Variants in MYOZ2 observed in about 807,000 individuals in gnomAD.
The protein encoded by MYOZ2 is myozenin-2.
A neutral mutation model predicts 25.4 loss-of-function variants in MYOZ2; 19 were observed. The ratio of observed to expected loss-of-function variants is 0.75; its 90% confidence interval spans 0.52 to 1.10. MYOZ2 has a LOEUF of 1.10. MYOZ2 is among the 50% of genes least tolerant of loss of function. The probability of loss-of-function intolerance (pLI) is 0.00; values close to 1 mark genes in which losing one functional copy is unlikely to be tolerated. For synonymous variants in MYOZ2, 92 were observed against 106.9 expected, an observed-to-expected ratio of 0.86 and a Z score of 0.86; for missense variants, 270 against 317.9, an observed-to-expected ratio of 0.85 and a Z score of 1.15.
chr4:119,147,077 C>G (rs541899176), intron 2 of MYOZ2, among the ~76,000 whole-genome samples: 25 of 152,228 alleles, frequency 1.6e-4, no homozygotes, highest in African/African-American at 5.5e-4. Context: ...GTTACTTTCA[C>G]TTGCTTATAA....
At chr4:119,158,933 A>T (rs1168266613) in intron 4 of MYOZ2, among the ~76,000 whole-genome samples, 1 of 152,210 alleles carries the variant, frequency 6.6e-6, no homozygotes. Context: ...ACCTAATTGT[A>T]CATTTTACAA....
At chr4:119,178,853 T>C (rs537638534) in intron 5 of MYOZ2, among the ~76,000 whole-genome samples, 1 of 152,296 alleles carries the variant, frequency 6.6e-6, no homozygotes, top group African/African-American at 2.4e-5. Context: ...GTGATCCACC[T>C]GCCTCGGCCT....
At chr4:119,164,534 T>A in intron 5 of MYOZ2, 140 bp downstream of exon 5, 1 of 769,030 alleles carries the variant, frequency 1.3e-6, no homozygotes. Flanking sequence ...GGATATCTTC[T>A]AAGCCTAGGC....
chr4:119,169,769 A>G (rs1455544579), intron 5 of MYOZ2, among the ~76,000 whole-genome samples: 1 of 152,222 alleles, frequency 6.6e-6, no homozygotes, highest in Non-Finnish European at 1.5e-5. Context: ...TGGAAGCCCT[A>G]AAGGGCTATA....
intron 5 of MYOZ2, among the ~76,000 whole-genome samples, chr4:119,177,985 C>T (rs1389905292): frequency 6.6e-6 from 1 of 152,126 alleles, no homozygotes; most frequent in East Asian, 1.9e-4. Context: ...GTCTCTATTT[C>T]CTAATGGCAC....
At chr4:119,173,465 T>C (rs1387499829) in intron 5 of MYOZ2, among the ~76,000 whole-genome samples, 1 of 152,202 alleles carries the variant, frequency 6.6e-6, no homozygotes, top group Non-Finnish European at 1.5e-5. Context: ...AAACTTAACA[T>C]CTCTATTAAT....
intron 3 of MYOZ2, among the ~76,000 whole-genome samples, chr4:119,157,334 C>A (rs1741602178): frequency 6.6e-6 from 1 of 152,008 alleles, no homozygotes; most frequent in Admixed American, 6.6e-5. Context: ...TCTTAAAATG[C>A]AAACTGAACA....
rs765210797 is a variant in MYOZ2, at chr4:119,180,551, T to C, written c.561-5415T>C. Among the ~76,000 whole-genome samples, 5 of 152,228 alleles carry C rather than the reference T, an allele frequency of 3.3e-5. No homozygotes were observed. In the South Asian group the frequency reaches 8.3e-4, roughly 25 times the overall value. On this transcript the variant is annotated intron_variant, in intron 5 of 5. Transcript: ENST00000307128. ...AGCAGCTTGCATTTGTATTTAATTT[T>C]CATGATCACATATATTTTTTTGAGA...
At chr4:119,160,058 T>G (rs1299564806) in intron 4 of MYOZ2, among the ~76,000 whole-genome samples, 2 of 152,176 alleles carry the variant, frequency 1.3e-5, no homozygotes, top group Non-Finnish European at 2.9e-5. Flanking sequence ...TCTTCCCATT[T>G]TACTACCATG....
chr4:119,175,202 AAG>A (rs1742040379), intron 5 of MYOZ2, among the ~76,000 whole-genome samples: 1 of 152,202 alleles, frequency 6.6e-6, no homozygotes, highest in East Asian at 1.9e-4. Flanking sequence ...TTTCATTTAT[AAG>A]AGAAGAAAAT....
intron 4 of MYOZ2, among the ~76,000 whole-genome samples, chr4:119,162,052 C>T (rs991679072): frequency 3.3e-5 from 5 of 152,014 alleles, no homozygotes; most frequent in Non-Finnish European, 5.9e-5. Flanking sequence ...GTATAATATA[C>T]AAAGACAAGA....
chr4:119,143,340 T>G (rs948245467), intron 2 of MYOZ2, among the ~76,000 whole-genome samples: 7 of 151,890 alleles, frequency 4.6e-5, no homozygotes, highest in Admixed American at 3.3e-4. Flanking sequence ...GGATTACAGG[T>G]GCACACCACC....
intron 5 of MYOZ2, among the ~76,000 whole-genome samples, chr4:119,167,441 G>A (rs146771475): frequency 6.2e-4 from 95 of 152,208 alleles, no homozygotes; most frequent in African/African-American, 2.1e-3. Flanking sequence ...GAGGAAAGAC[G>A]CCATCTTCTT....
rs1383629980 is a variant in MYOZ2, at chr4:119,164,251, C to A, written c.417C>A (p.Phe139Leu). Reference sequence around the variant, plus strand: ...TGAAGGAAATTCCTCCTGAAAAATTCAACACCACAGCTGTCCCTAAGTACT... The same window carrying A: ...TGAAGGAAATTCCTCCTGAAAAATTAAACACCACAGCTGTCCCTAAGTACT... ...GPLKEIPPEK[F>L]NTTAVPKYYQ... The change falls in exon 5 of 6, where the codon TTC becomes TTA. Residue 139 changes from phenylalanine to leucine, a missense_variant. Phe to Leu is a conservative substitution (Grantham distance 22). Coordinates refer to ENST00000307128, the MANE Select transcript of MYOZ2 (RefSeq NM_016599.5). 6.2e-7 allele frequency: 1 copy of A among 1,613,996 alleles called. No individual in the cohort carries two copies. The highest frequency in any genetic ancestry group is 1.7e-5 in the Admixed American group (1 of 60,010).
At chr4:119,163,241 A>G (rs947155879) in intron 4 of MYOZ2, among the ~76,000 whole-genome samples, 2 of 152,190 alleles carry the variant, frequency 1.3e-5, no homozygotes, top group African/African-American at 4.8e-5. Flanking sequence ...TGGAGGAGAC[A>G]AACATTTTAG....
At chr4:119,164,809 T>C (rs1271156794) in intron 5 of MYOZ2, among the ~76,000 whole-genome samples, 1 of 152,104 alleles carries the variant, frequency 6.6e-6, no homozygotes, top group Admixed American at 6.6e-5. Flanking sequence ...GATTCTATCT[T>C]ACATTTTTGC....
intron 5 of MYOZ2, among the ~76,000 whole-genome samples, chr4:119,179,541 T>C (rs1742145445): frequency 3.3e-5 from 5 of 152,196 alleles, no homozygotes; most frequent in Non-Finnish European, 7.3e-5. Context: ...TATCTATTCC[T>C]TTCCTAAAAG....
At chr4:119,141,875 C>T (rs1016565965) in intron 2 of MYOZ2, among the ~76,000 whole-genome samples, 5 of 152,190 alleles carry the variant, frequency 3.3e-5, no homozygotes, top group African/African-American at 1.2e-4. Context: ...TGACAGCGTT[C>T]TTGACTCTGA....
intron 3 of MYOZ2, among the ~76,000 whole-genome samples, chr4:119,152,197 A>AAGAATCAGTCT (rs760956680): frequency 6.6e-6 from 1 of 151,976 alleles, no homozygotes; most frequent in Non-Finnish European, 1.5e-5. Flanking sequence ...TATAGTATTT[A>AAGAATCAGTCT]TACTTGTGAA....
Sources: allele counts gnomAD v4.1 joint callset (sites outside exome capture counted in the v4.1 genomes callset), GRCh38; gene constraint gnomAD v4.1.1; transcripts MANE v1.5; gene names NCBI Gene and HGNC (gene_info 2026-07-23, HGNC 2026-07-21).